RAMP2: variants seen among roughly 807,000 people sequenced by gnomAD.
RAMP2 encodes the protein receptor activity modifying protein 2.
RAMP2 carries 11 observed loss-of-function variants against 18.2 expected under a neutral mutation model. The observed-to-expected ratio is 0.60, with a 90% CI of 0.38 to 1.00. The LOEUF (loss-of-function observed/expected upper bound fraction) is 1.00, where lower values mean the gene tolerates loss of function less well. RAMP2 is among the 50% of genes least tolerant of loss of function. RAMP2 has a pLI of 0.01. For missense variants in RAMP2, 191 were observed against 226.5 expected, an observed-to-expected ratio of 0.84 and a Z score of 1.01; for synonymous variants, 86 against 90.8, an observed-to-expected ratio of 0.95 and a Z score of 0.30.
In RAMP2 at chr17:42,762,686, T is replaced by C. The variant is rs769135756; in HGVS notation, c.362T>C (p.Phe121Ser). 2.5e-6 allele frequency: 4 copies of C among 1,614,108 alleles called. No individual in the cohort carries two copies. The highest frequency in any genetic ancestry group is 2.5e-6 in the Non-Finnish European group (3 of 1,179,976). Residue 121 changes from phenylalanine to serine, a missense_variant, in exon 4 of 4, where the codon TTT (phenylalanine) becomes TCT (serine). By Grantham distance (155) the Phe-to-Ser change is radical. Coordinates refer to ENST00000253796, the MANE Select transcript of RAMP2 (RefSeq NM_005854.3). ...AATCCCTTGGCAGAGAGGATCATCT[T>C]TGAGACTCACCAGATCCACTTTGCC... The part of the protein sequence containing the change: ...FPNPLAERII[F>S]ETHQIHFANC...
In RAMP2 at chr17:42,761,733, G is replaced by T; in HGVS notation, c.98-101G>T. ...TAGATTATTCCTCCTTTTCTTCCAA[G>T]GTAGCCTATTTTCGGAGGGTCTCAG... On this transcript the variant is annotated intron_variant, in intron 1 of 3. Transcript: ENST00000253796. This position sits in a 1 kb window ranked among gnomAD's most constrained non-coding sequence, Gnocchi z 4.2. 1 of 990,772 alleles carries T rather than the reference G, an allele frequency of 1.0e-6. No individual in the cohort carries two copies. The highest frequency in any genetic ancestry group is 2.6e-5 in the East Asian group (1 of 38,940). 61.4% of individuals were successfully genotyped at this position (990,772 alleles called of 1,614,324 possible).
At position 42,762,882 on chromosome 17, in the gene RAMP2, A is replaced by T; in HGVS notation, c.*30A>T. 6.4e-7 allele frequency: 1 copy of T among 1,551,294 alleles called. No homozygotes were observed. Among genetic ancestry groups the T allele is most frequent in the South Asian group, 1.2e-5 (1 of 81,710 alleles). ...CCACGAGCTTCTCAACAACCATGTT[A>T]CTCCACTTCCCCACCCCCACCAGGC... On this transcript the variant is annotated 3_prime_UTR_variant, in exon 4 of 4. Transcript: ENST00000253796.
intron 2 of RAMP2, among the ~76,000 whole-genome samples, 156 bp downstream of exon 2, chr17:42,762,055 GTCC>G (rs1260500874): frequency 2.0e-5 from 3 of 152,100 alleles, no homozygotes; most frequent in Non-Finnish European, 2.9e-5. Context: ...CTTTCTCCCT[GTCC>G]TCCTACAAAG....
rs375082267 is a variant in RAMP2 at position 42,762,768 on chromosome 17, C to A, written c.444C>A (p.Ala148=). 6.8e-6 allele frequency: 11 copies of A among 1,613,912 alleles called. No homozygotes were observed. The highest frequency in any genetic ancestry group is 1.7e-5 in the Admixed American group (1 of 59,986). ...FSDPPEDVLL[A]MIIAPICLIP... is the part of the protein sequence containing the mutation. Reference sequence around the variant, plus strand: ...ACCCCCCAGAGGATGTACTCCTGGCCATGATCATAGCCCCCATCTGCCTCA... The same window carrying A: ...ACCCCCCAGAGGATGTACTCCTGGCAATGATCATAGCCCCCATCTGCCTCA... The change falls in exon 4 of 4, where the codon GCC becomes GCA. Residue 148 remains alanine, a synonymous_variant. Coordinates refer to ENST00000253796, the MANE Select transcript of RAMP2 (RefSeq NM_005854.3).
At position 42,761,988 on chromosome 17, in the gene RAMP2, AC is replaced by A; in HGVS notation, c.163+93del. 1 of 1,249,102 alleles carries A rather than the reference AC, an allele frequency of 8.0e-7. No homozygotes were observed. Among genetic ancestry groups the A allele is most frequent in the Non-Finnish European group, 1.1e-6 (1 of 876,204 alleles). The allele number at this position is 1,249,102 out of a possible 1,614,324, so 77.4% of individuals were successfully genotyped here. A position where few individuals can be genotyped will look rare whatever the true frequency, so the allele number is the denominator to read the frequency against. ...GTTCCTTTCCCACGAGGCCTGCCCA[AC>A]CCCAGCTGATGCCCCACTACACTCC... On this transcript the variant is annotated intron_variant, in intron 2 of 3. Coordinates refer to ENST00000253796, the MANE Select transcript of RAMP2 (RefSeq NM_005854.3). The surrounding 1 kb of genome is among the most constrained non-coding windows in gnomAD (Gnocchi z 4.2).
At position 42,761,949 on chromosome 17, in the gene RAMP2, G is replaced by A; in HGVS notation, c.163+50G>A. ...TGGCCGAGGGTAAGGACGAGAGCAAGTTCAGTGGGGAGGGTTCCTTTCCCA... is the reference window on the plus strand; with the variant it reads ...TGGCCGAGGGTAAGGACGAGAGCAAATTCAGTGGGGAGGGTTCCTTTCCCA... On this transcript the variant is annotated intron_variant, in intron 2 of 3. Coordinates refer to ENST00000253796, the MANE Select transcript of RAMP2 (RefSeq NM_005854.3). The surrounding 1 kb of genome is among the most constrained non-coding windows in gnomAD (Gnocchi z 4.2). 1 of 1,482,764 alleles carries A rather than the reference G, an allele frequency of 6.7e-7. No individual in the cohort carries two copies. Among genetic ancestry groups the A allele is most frequent in the Non-Finnish European group, 9.3e-7 (1 of 1,072,110 alleles). The allele number at this position is 1,482,764 out of a possible 1,614,324, so 91.9% of individuals were successfully genotyped here.
intron 2 of RAMP2, 101 bp from the exon 3 acceptor site, chr17:42,762,254 C>T: frequency 6.4e-7 from 1 of 1,563,488 alleles, no homozygotes; most frequent in Non-Finnish European, 8.8e-7. Flanking sequence ...CTGAAGGGTT[C>T]CCACGTTTGA....
intron 2 of RAMP2, 70 bp from the exon 3 acceptor site, chr17:42,762,285 A>G (rs533788776): frequency 6.2e-7 from 1 of 1,604,322 alleles, no homozygotes; most frequent in South Asian, 1.1e-5. Context: ...TTCACCTTGC[A>G]AGCACCTGGG....
In RAMP2 at chr17:42,761,684, C is replaced by A; in HGVS notation, c.98-150C>A. ...GAGCTGGTGCCAGCCCCTCCCTCCC[C>A]GGCACTGAGGCGTCCGTGGGGGCTA... is the stretch of plus-strand genomic sequence containing the variant. On this transcript the variant is annotated intron_variant, in intron 1 of 3. Transcript: ENST00000253796. The surrounding 1 kb of genome is among the most constrained non-coding windows in gnomAD (Gnocchi z 4.2). 1.4e-6 allele frequency: 1 copy of A among 698,366 alleles called. No individual in the cohort carries two copies. The highest frequency in any genetic ancestry group is 2.5e-5 in the Admixed American group (1 of 40,594). 43.3% of individuals were successfully genotyped at this position (698,366 alleles called of 1,614,324 possible).
chr17:42,761,370 G>T lies in RAMP2; in HGVS notation c.97+12G>T. The T allele has an allele frequency of 1.5e-6, 2 of 1,317,972 alleles. No homozygotes were observed. The highest frequency in any genetic ancestry group is 1.9e-6 in the Non-Finnish European group (2 of 1,037,386). 81.6% of individuals were successfully genotyped at this position (1,317,972 alleles called of 1,614,324 possible). On this transcript the variant is annotated intron_variant, in intron 1 of 3. Transcript: ENST00000253796. This position sits in a 1 kb window ranked among gnomAD's most constrained non-coding sequence, Gnocchi z 4.2. ...CCTCCTGCTGGGCGGTGAGCGCGGCGCCCCGAGGCCCGGGCGGGAGGCGCG... is the reference window on the plus strand; with the variant it reads ...CCTCCTGCTGGGCGGTGAGCGCGGCTCCCCGAGGCCCGGGCGGGAGGCGCG...
At position 42,762,813 on chromosome 17, in the gene RAMP2, T is replaced by G; in HGVS notation, c.489T>G (p.Leu163=). 1 of 1,612,950 alleles carries G rather than the reference T, an allele frequency of 6.2e-7. No individual in the cohort carries two copies. The highest frequency in any genetic ancestry group is 8.5e-7 in the Non-Finnish European group (1 of 1,179,340). Residue 163 remains leucine (L), a synonymous_variant, in exon 4 of 4, where the codon CTT becomes CTG. Coordinates refer to ENST00000253796, the MANE Select transcript of RAMP2 (RefSeq NM_005854.3). ...PICLIPFLIT[L]VVWRSKDSEA... ...GCCTCATCCCCTTCCTCATCACTCTTGTAGTATGGAGGAGTAAAGACAGTG... is the reference window on the plus strand; with the variant it reads ...GCCTCATCCCCTTCCTCATCACTCTGGTAGTATGGAGGAGTAAAGACAGTG...
chr17:42,761,424 G>A lies in RAMP2; in HGVS notation c.97+66G>A. 3.3e-6 allele frequency: 4 copies of A among 1,219,272 alleles called. No homozygotes were observed. The highest frequency in any genetic ancestry group is 4.2e-6 in the Non-Finnish European group (4 of 948,836). 75.5% of individuals were successfully genotyped at this position (1,219,272 alleles called of 1,614,324 possible). On this transcript the variant is annotated intron_variant, in intron 1 of 3. Coordinates refer to ENST00000253796, the MANE Select transcript of RAMP2 (RefSeq NM_005854.3). This position sits in a 1 kb window ranked among gnomAD's most constrained non-coding sequence, Gnocchi z 4.2. ...GGCCCCGGAGGGGAGAGGGGAGAGG[G>A]GAGAGGGGCTGGATGGCCGAGGCCG...
rs1012098726 is a variant in RAMP2 at position 42,761,289 on chromosome 17, G to A, written c.28G>A (p.Gly10Ser). The A allele has an allele frequency of 3.7e-6, 5 of 1,349,578 alleles. No homozygotes were observed. Among genetic ancestry groups the A allele is most frequent in the African/African-American group, 3.0e-5 (2 of 65,586 alleles). The allele number at this position is 1,349,578 out of a possible 1,614,324, so 83.6% of individuals were successfully genotyped here. Reference sequence around the variant, plus strand: ...GGCCTCGCTCCGGGTGGAGCGCGCCGGCGGCCCGCGTCTCCCTAGGACCCG... The same window carrying A: ...GGCCTCGCTCCGGGTGGAGCGCGCCAGCGGCCCGCGTCTCCCTAGGACCCG... MASLRVERA[G>S]GPRLPRTRVG... is the part of the protein sequence containing the mutation. The change falls in exon 1 of 4, where the codon GGC becomes AGC. Residue 10 changes from glycine (G) to serine (S), a missense_variant. Transcript: ENST00000253796. The surrounding 1 kb of genome is among the most constrained non-coding windows in gnomAD (Gnocchi z 4.2).
chr17:42,762,464 G>A lies in RAMP2; in HGVS notation c.272+1G>A. On this transcript the variant is annotated splice_donor_variant, in intron 3 of 3. Coordinates refer to ENST00000253796, the MANE Select transcript of RAMP2 (RefSeq NM_005854.3). LOFTEE classifies it high-confidence loss of function. ...GGTGCGACTGGGCCATGATTAGCAG[G>A]TAGGGGCAGTGATGGAGGGTGGCTC... 1 of 1,614,014 alleles carries A rather than the reference G, an allele frequency of 6.2e-7. No individual in the cohort carries two copies. Among genetic ancestry groups the A allele is most frequent in the Non-Finnish European group, 8.5e-7 (1 of 1,179,940 alleles).
intron 2 of RAMP2, 112 bp from the exon 3 acceptor site, chr17:42,762,243 T>A: frequency 6.6e-7 from 1 of 1,524,136 alleles, no homozygotes; most frequent in Non-Finnish European, 9.0e-7. Context: ...AGGGAAACTT[T>A]CTGAAGGGTT....
rs764955708 is a variant in RAMP2, at chr17:42,762,456, A to G, written c.265A>G (p.Ile89Val). 6.2e-7 allele frequency: 1 copy of G among 1,614,072 alleles called. No individual in the cohort carries two copies. Among genetic ancestry groups the G allele is most frequent in the East Asian group, 2.2e-5 (1 of 44,878 alleles). Reference sequence around the variant, plus strand: ...AAAGGATTGGTGCGACTGGGCCATGATTAGCAGGTAGGGGCAGTGATGGAG... The same window carrying G: ...AAAGGATTGGTGCGACTGGGCCATGGTTAGCAGGTAGGGGCAGTGATGGAG... ...IEKDWCDWAM[I>V]SRPYSTLRDC... Residue 89 changes from isoleucine to valine, a missense_variant, in exon 3 of 4, where the codon ATT becomes GTT. Transcript: ENST00000253796.
At position 42,762,953 on chromosome 17, in the gene RAMP2, A is replaced by G. The variant is rs942985749; in HGVS notation, c.*101A>G. On this transcript the variant is annotated 3_prime_UTR_variant, in exon 4 of 4. Transcript: ENST00000253796. ...CCCTTTTCTCACTCTCATCCCCACC[A>G]CAGATCCCTGGATTGCTGGGAATGG... is the stretch of plus-strand genomic sequence containing the variant. 4.4e-5 allele frequency: 57 copies of G among 1,304,790 alleles called. No individual in the cohort carries two copies. Among genetic ancestry groups the G allele is most frequent in the Middle Eastern group, 2.7e-4 (1 of 3,734 alleles). The allele number at this position is 1,304,790 out of a possible 1,614,324, so 80.8% of individuals were successfully genotyped here.
chr17:42,761,704 G>T lies in RAMP2; in HGVS notation c.98-130G>T. The T allele has an allele frequency of 2.5e-6, 2 of 795,354 alleles. No individual in the cohort carries two copies. The highest frequency in any genetic ancestry group is 1.6e-5 in the South Asian group (1 of 60,870). 49.3% of individuals were successfully genotyped at this position (795,354 alleles called of 1,614,324 possible). A position where few individuals can be genotyped will look rare whatever the true frequency, so the allele number is the denominator to read the frequency against. The stretch of plus-strand genomic sequence containing the variant: ...CTCCCCGGCACTGAGGCGTCCGTGG[G>T]GGCTAGATTATTCCTCCTTTTCTTC... On this transcript the variant is annotated intron_variant, in intron 1 of 3. Transcript: ENST00000253796. The surrounding 1 kb of genome is among the most constrained non-coding windows in gnomAD (Gnocchi z 4.2).
chr17:42,762,574 C>T, intron 3 of RAMP2, 23 bp from the exon 4 acceptor site: 1 of 1,605,560 alleles, frequency 6.2e-7, no homozygotes, highest in South Asian at 1.1e-5. Context: ...CCCTCTCTCA[C>T]TCAAGTCCTC....
Sources: allele counts gnomAD v4.1 joint callset (sites outside exome capture counted in the v4.1 genomes callset), GRCh38; gene constraint gnomAD v4.1.1; non-coding constraint Gnocchi (gnomAD v3.1); transcripts MANE v1.5; gene names NCBI Gene and HGNC (gene_info 2026-07-23, HGNC 2026-07-21).